Variants in ADGRE5 observed in about 807,000 individuals in gnomAD.
ADGRE5 encodes adhesion G protein-coupled receptor E5, also known as CD97 molecule.
Under a neutral mutation model 100.3 loss-of-function variants are expected in ADGRE5, and 72 were observed. The observed-to-expected ratio is 0.72, with a 90% confidence interval of 0.59 to 0.87. The LOEUF (loss-of-function observed/expected upper bound fraction) is 0.87, where lower values mean the gene tolerates loss of function less well. ADGRE5 is among the 40% of genes least tolerant of loss of function. The pLI is 0.00. For synonymous variants in ADGRE5, 439 were observed against 447.8 expected (o/e 0.98, Z 0.25); for missense variants, 959 against 1,094.7 (o/e 0.88, Z 1.75).
At chr19:14,395,322 A>G (rs1213033141) in intron 4 of ADGRE5, among the ~76,000 whole-genome samples, 2 of 151,936 alleles carry the variant, frequency 1.3e-5, no homozygotes, top group African/African-American at 4.8e-5. Context: ...AAAAAAAACA[A>G]AAACGCACTC....
At chr19:14,405,960 CT>C in intron 14 of ADGRE5, 21 bp downstream of exon 14, 1 of 1,590,858 alleles carries the variant, frequency 6.3e-7, no homozygotes, top group Non-Finnish European at 8.5e-7. Context: ...GCCCCGCTCC[CT>C]CCTGAGCTCT....
At position 14,404,427 on chromosome 19, in the gene ADGRE5, G is replaced by A. The variant is rs1423659138; in HGVS notation, c.1494G>A (p.Trp498Ter). 2.5e-6 allele frequency: 4 copies of A among 1,611,832 alleles called. No individual in the cohort carries two copies. The African/African-American group carries it at 5.3e-5, about 22-fold the overall frequency. Residue 498 changes from tryptophan (W) to a stop codon, truncating the protein, a stop_gained, in exon 13 of 20, where the codon TGG becomes TGA. Coordinates refer to ENST00000242786, the MANE Select transcript of ADGRE5 (RefSeq NM_078481.4). LOFTEE classifies it high-confidence loss of function. ...GPRQELLCAF[W>*]KSDSDRGGHW... is the part of the protein sequence containing the mutation. The stretch of plus-strand genomic sequence containing the variant: ...GGCAGGAGCTGCTCTGTGCCTTCTG[G>A]AAGAGTGACAGCGACAGGGGAGGGC...
Position 14,382,173 on chromosome 19 carries a change from G to A in ADGRE5, c.22+628G>A, listed in dbSNP as rs187725139. On this transcript the variant is annotated intron_variant, in intron 1 of 19. Transcript: ENST00000242786. ...ACTGTAACGGTTATCAGGGTAGCTC[G>A]TTGCCTAAGCAACGGGGCAACAAAG... 9.2e-5 allele frequency among the ~76,000 whole-genome samples: 14 copies of A among 152,308 alleles called. No individual in the cohort carries two copies. In the East Asian group the frequency reaches 1.5e-3, roughly 17 times the overall value.
chr19:14,401,388 T>G lies in ADGRE5; in HGVS notation c.900T>G (p.Asn300Lys). 1.9e-6 allele frequency: 3 copies of G among 1,613,890 alleles called. No individual in the cohort carries two copies. Among genetic ancestry groups the G allele is most frequent in the Non-Finnish European group, 2.5e-6 (3 of 1,179,906 alleles). Residue 300 changes from asparagine (N) to lysine (K), a missense_variant and splice_region_variant, in exon 10 of 20, where the codon AAT (asparagine) becomes AAG (lysine). Physicochemically the swap from Asn to Lys is moderately conservative, Grantham distance 94. This residue lies in a region of ADGRE5 where 69 missense variants were observed against 135.0 expected (regional missense o/e 0.51). Coordinates refer to ENST00000242786, the MANE Select transcript of ADGRE5 (RefSeq NM_078481.4). The surrounding 1 kb of genome is among the most constrained non-coding windows in gnomAD (Gnocchi z 4.1). The part of the protein sequence containing the change: ...KTSSAEVTIQ[N>K]VIKLVDELME... Reference sequence around the variant, plus strand: ...TTCTGTCACCCGCCACCCCCTAGAATGTCATCAAATTGGTGGATGAACTGA... The same window carrying G: ...TTCTGTCACCCGCCACCCCCTAGAAGGTCATCAAATTGGTGGATGAACTGA...
Position 14,397,107 on chromosome 19 carries a change from C to G in ADGRE5, c.509C>G (p.Pro170Arg), listed in dbSNP as rs563311457. The change falls in exon 6 of 20, where the codon CCG becomes CGG. Residue 170 changes from proline to arginine, a missense_variant. Pro to Arg is a moderately radical substitution (Grantham distance 103). Around this residue, in one of 6 missense-constraint regions of ADGRE5, gnomAD observed 83 missense variants for 88.8 expected, o/e 0.93. Coordinates refer to ENST00000242786, the MANE Select transcript of ADGRE5 (RefSeq NM_078481.4). ...AATGAATGCACCTCCGGACAAAACC[C>G]GTGCCACAGCTCCACCCACTGCCTC... ...DVNECTSGQN[P>R]CHSSTHCLNN... 26 of 1,613,970 alleles carry G rather than the reference C, an allele frequency of 1.6e-5. No individual in the cohort carries two copies. Among genetic ancestry groups the G allele is most frequent in the Non-Finnish European group, 2.2e-5 (26 of 1,180,036 alleles).
At chr19:14,383,567 G>A (rs1975234748) in intron 1 of ADGRE5, among the ~76,000 whole-genome samples, 2 of 152,060 alleles carry the variant, frequency 1.3e-5, no homozygotes, top group South Asian at 4.2e-4. Flanking sequence ...TAGTGGGTCT[G>A]GGGAATTGTC....
Position 14,408,677 on chromosome 19 carries a change from A to C in ADGRE5, c.*556A>C. 1.9e-6 allele frequency: 1 copy of C among 536,990 alleles called. No individual in the cohort carries two copies. The highest frequency in any genetic ancestry group is 3.2e-5 in the South Asian group (1 of 31,404). 33.3% of individuals were successfully genotyped at this position (536,990 alleles called of 1,614,324 possible). A position where few individuals can be genotyped will look rare whatever the true frequency, so the allele number is the denominator to read the frequency against. ...GTTGTGTAATGTGTTTTTATCTGTT[A>C]AAATTTTTCAGTGTTGACACTTAAA... On this transcript the variant is annotated 3_prime_UTR_variant, in exon 20 of 20. Coordinates refer to ENST00000242786, the MANE Select transcript of ADGRE5 (RefSeq NM_078481.4).
chr19:14,385,914 C>T (rs1379625310), intron 1 of ADGRE5, among the ~76,000 whole-genome samples: 1 of 151,848 alleles, frequency 6.6e-6, no homozygotes, highest in Non-Finnish European at 1.5e-5. Context: ...GGATAACAGG[C>T]ACCCACCACC....
rs1370254958 is a variant in ADGRE5, at chr19:14,401,186, A to G, written c.898-200A>G. On this transcript the variant is annotated intron_variant, in intron 9 of 19. Coordinates refer to ENST00000242786, the MANE Select transcript of ADGRE5 (RefSeq NM_078481.4). The surrounding 1 kb of genome is among the most constrained non-coding windows in gnomAD (Gnocchi z 4.1). Reference sequence around the variant, plus strand: ...CCTGGCAGGCAGCCCGTGCCCAACCAGTGTTAAGCGCTGTGATTCATACGT... The same window carrying G: ...CCTGGCAGGCAGCCCGTGCCCAACCGGTGTTAAGCGCTGTGATTCATACGT... 6.6e-6 allele frequency among the ~76,000 whole-genome samples: 1 copy of G among 152,104 alleles called. No homozygotes were observed. The highest frequency in any genetic ancestry group is 1.5e-5 in the Non-Finnish European group (1 of 68,040).
chr19:14,401,352 T>C lies in ADGRE5; in HGVS notation c.898-34T>C, dbSNP rs201677053. 67 of 1,602,768 alleles carry C rather than the reference T, an allele frequency of 4.2e-5. No individual in the cohort carries two copies. The East Asian group carries it at 1.3e-3, about 32-fold the overall frequency. ...CCTTCAGGCAACCCCTGTGGTCTGA[T>C]GCTCCAGCGATTCTGTCACCCGCCA... On this transcript the variant is annotated intron_variant, in intron 9 of 19. Transcript: ENST00000242786. This position sits in a 1 kb window ranked among gnomAD's most constrained non-coding sequence, Gnocchi z 4.1.
chr19:14,408,033 G>A (rs752526678), intron 19 of ADGRE5, 24 bp downstream of exon 19: 2 of 1,614,090 alleles, frequency 1.2e-6, no homozygotes, highest in Admixed American at 1.7e-5. Flanking sequence ...CCTGGGGCGG[G>A]TGTGGGCAGG....
chr19:14,402,558 GGAC>G (rs763631153), intron 11 of ADGRE5, 36 bp from the exon 12 acceptor site: 1 of 1,609,664 alleles, frequency 6.2e-7, no homozygotes, highest in African/African-American at 1.3e-5. Context: ...CATGGGAGGA[GGAC>G]AACGGGAGTA....
Position 14,401,643 on chromosome 19 carries a change from C to T in ADGRE5, c.1076-10C>T. On this transcript the variant is annotated splice_polypyrimidine_tract_variant and intron_variant, in intron 10 of 19. Transcript: ENST00000242786. This position sits in a 1 kb window ranked among gnomAD's most constrained non-coding sequence, Gnocchi z 4.1. ...GGGGTCCCTAATCACAACTGCCCCT[C>T]TCCCCTCAGAGCTGACCCTGATGAT... 2 of 1,602,356 alleles carry T rather than the reference C, an allele frequency of 1.2e-6. No homozygotes were observed. Among genetic ancestry groups the T allele is most frequent in the South Asian group, 1.1e-5 (1 of 89,414 alleles).
In ADGRE5 at chr19:14,388,788, A is replaced by G. The variant is rs1366828167; in HGVS notation, c.160A>G (p.Ile54Val). 6.2e-7 allele frequency: 1 copy of G among 1,613,650 alleles called. No individual in the cohort carries two copies. The change falls in exon 3 of 20, where the codon ATC becomes GTC. Residue 54 changes from isoleucine to valine, a missense_variant. Coordinates refer to ENST00000242786, the MANE Select transcript of ADGRE5 (RefSeq NM_078481.4). ...TCCAGGGTTCAGCTCTTTTTCTGAG[A>G]TCATCACCACCCCGACGGAGACTTG... Reference protein sequence around the residue: ...CNPGFSSFSEIITTPTETCDD... With the variant: ...CNPGFSSFSEVITTPTETCDD...
chr19:14,399,563 C>CAAA (rs764605166), intron 9 of ADGRE5, among the ~76,000 whole-genome samples: 1,357 of 31,754 alleles, frequency 0.043, 217 homozygotes, highest in Non-Finnish European at 0.066. Flanking sequence ...GACTCCGTCT[C>CAAA]AAAAAAAAAA....
rs1038666113 is a variant in ADGRE5, at chr19:14,395,696, C to T, written c.347-646C>T. Among the ~76,000 whole-genome samples, 5 of 152,072 alleles carry T rather than the reference C, an allele frequency of 3.3e-5. 1 individual carries two copies. The highest frequency in any genetic ancestry group is 4.2e-4 in the South Asian group (2 of 4,812). On this transcript the variant is annotated intron_variant, in intron 4 of 19. Coordinates refer to ENST00000242786, the MANE Select transcript of ADGRE5 (RefSeq NM_078481.4). ...TCAGAAAAAAGCATCTTTGTAGACTCGGGGCTGCCTGGCTGGACATCAGCC... is the reference window on the plus strand; with the variant it reads ...TCAGAAAAAAGCATCTTTGTAGACTTGGGGCTGCCTGGCTGGACATCAGCC...
intron 13 of ADGRE5, 190 bp from the exon 14 acceptor site, chr19:14,405,558 C>G: frequency 1.8e-6 from 1 of 558,486 alleles, no homozygotes; most frequent in Non-Finnish European, 3.1e-6. Flanking sequence ...AGGCCAAAGG[C>G]CCAGCAAGCA....
At chr19:14,388,039 G>A (rs1422722044) in intron 1 of ADGRE5, among the ~76,000 whole-genome samples, 5 of 151,966 alleles carry the variant, frequency 3.3e-5, no homozygotes, top group African/African-American at 4.8e-5. Context: ...TCACAGCATT[G>A]CACTTCAGCC....
intron 1 of ADGRE5, among the ~76,000 whole-genome samples, chr19:14,386,305 G>A (rs1232165962): frequency 1.3e-5 from 2 of 149,956 alleles, no homozygotes; most frequent in African/African-American, 4.9e-5. Context: ...CGTGAACCCG[G>A]GAGGTGGAGC....
Sources: gnomAD v4.1 joint callset for allele counts (sites outside exome capture counted in the v4.1 genomes callset) on GRCh38, gnomAD v4.1.1 for gene constraint, gnomAD v4.1.1 regional missense constraint, Gnocchi (gnomAD v3.1) non-coding constraint, MANE v1.5 for transcripts, NCBI Gene and HGNC (gene_info 2026-07-23, HGNC 2026-07-21) for gene names.